Variants in PTPRN2 observed in about 807,000 individuals in gnomAD.
PTPRN2 encodes protein tyrosine phosphatase receptor type N2.
In PTPRN2, 74 loss-of-function variants were observed where a neutral mutation model predicts 118.8. That is an observed-to-expected ratio of 0.62 (90% CI 0.52 to 0.76). The LOEUF (loss-of-function observed/expected upper bound fraction) is 0.76. Ranked by LOEUF, PTPRN2 falls within the 30% of genes least tolerant of loss-of-function variation. PTPRN2 has a pLI of 0.00. For missense variants in PTPRN2, 1,481 were observed against 1,394.4 expected (o/e 1.06, Z -0.99); for synonymous variants, 641 against 608.0 (o/e 1.05, Z -0.80).
intron 2 of PTPRN2, among the ~76,000 whole-genome samples, chr7:158,383,839 T>G (rs1811133196): frequency 6.6e-6 from 1 of 152,220 alleles, no homozygotes; most frequent in Non-Finnish European, 1.5e-5. Context: ...CAGTTTGTGA[T>G]GTTAATGACT....
rs542663460 is a variant in PTPRN2, at chr7:157,645,682, G to A, written c.2196+10675C>T. Reference sequence around the variant, plus strand: ...TCATGCAGGGCCCTCTCCTGAGAGCGGCGTCATGTGAGGAGCTGCTGTTTA... The same window carrying A: ...TCATGCAGGGCCCTCTCCTGAGAGCAGCGTCATGTGAGGAGCTGCTGTTTA... On this transcript the variant is annotated intron_variant, in intron 14 of 22. Coordinates refer to ENST00000389418, the MANE Select transcript of PTPRN2 (RefSeq NM_002847.5). Among the ~76,000 whole-genome samples, 501 of 152,278 alleles carry A rather than the reference G, an allele frequency of 3.3e-3. 1 individual carries two copies. Among genetic ancestry groups the A allele is most frequent in the Non-Finnish European group, 3.2e-3 (215 of 68,022 alleles).
chr7:158,314,943 A>T (rs1397647629), intron 3 of PTPRN2, among the ~76,000 whole-genome samples: 1 of 148,364 alleles, frequency 6.7e-6, no homozygotes, highest in Non-Finnish European at 1.5e-5. Context: ...TGAACCCGGG[A>T]CCCCCTAAAG....
intron 12 of PTPRN2, among the ~76,000 whole-genome samples, chr7:157,852,265 T>C (rs1254327511): frequency 3.3e-5 from 5 of 152,246 alleles, no homozygotes; most frequent in Non-Finnish European, 7.3e-5. Context: ...TTTTTAAAAG[T>C]CAGTTTGTGT....
intron 21 of PTPRN2, among the ~76,000 whole-genome samples, chr7:157,552,157 C>T (rs1201084576): frequency 2.0e-5 from 3 of 152,180 alleles, no homozygotes; most frequent in Non-Finnish European, 4.4e-5. Context: ...CCGTGTACCC[C>T]ACGGCCACCA....
At chr7:158,441,014 A>AGTG (rs1191319025) in intron 2 of PTPRN2, among the ~76,000 whole-genome samples, 1 of 109,742 alleles carries the variant, frequency 9.1e-6, no homozygotes, top group Non-Finnish European at 1.9e-5. Flanking sequence ...GGGTGGTGGT[A>AGTG]GTCGTGGTGG....
chr7:158,310,002 C>A (rs2151070717), intron 3 of PTPRN2, among the ~76,000 whole-genome samples: 1 of 152,260 alleles, frequency 6.6e-6, no homozygotes, highest in South Asian at 2.1e-4. Context: ...GAAGATGCCA[C>A]CCATGAACCA....
intron 12 of PTPRN2, among the ~76,000 whole-genome samples, chr7:157,835,782 T>C (rs1249860352): frequency 1.3e-5 from 2 of 152,152 alleles, no homozygotes; most frequent in Non-Finnish European, 2.9e-5. Flanking sequence ...CCACCAGAAA[T>C]GATCCAGATA....
chr7:157,986,040 G>A lies in PTPRN2; in HGVS notation c.1724-87303C>T, dbSNP rs1803763199. Among the ~76,000 whole-genome samples the A allele has an allele frequency of 6.6e-6, 1 of 152,196 alleles. No homozygotes were observed. ...ATCTCTCACTACTGACAAGAGAAAG[G>A]CCAGAACACAAACACACTTCCTGCT... is the stretch of plus-strand genomic sequence containing the variant. On this transcript the variant is annotated intron_variant, in intron 11 of 22. Coordinates refer to ENST00000389418, the MANE Select transcript of PTPRN2 (RefSeq NM_002847.5). This position sits in a 1 kb window ranked among gnomAD's most constrained non-coding sequence, Gnocchi z 4.5.
chr7:158,055,899 A>G (rs1809747444), intron 11 of PTPRN2, among the ~76,000 whole-genome samples: 2 of 151,810 alleles, frequency 1.3e-5, no homozygotes, highest in African/African-American at 2.4e-5. Flanking sequence ...CTTTATTTCT[A>G]TGATCTCTCG....
At chr7:157,700,995 C>G (rs905834153) in intron 12 of PTPRN2, among the ~76,000 whole-genome samples, 1 of 152,224 alleles carries the variant, frequency 6.6e-6, no homozygotes, top group African/African-American at 2.4e-5. Context: ...CTCTCACACA[C>G]GCACGCTTTC....
intron 20 of PTPRN2, among the ~76,000 whole-genome samples, chr7:157,569,757 T>C (rs1799669112): frequency 6.6e-6 from 1 of 152,264 alleles, no homozygotes; most frequent in South Asian, 2.1e-4. Flanking sequence ...CTGGGTTGCA[T>C]GAGTTTGAGA....
chr7:158,550,087 C>CG (rs1253056371), intron 1 of PTPRN2, among the ~76,000 whole-genome samples: 1 of 152,218 alleles, frequency 6.6e-6, no homozygotes, highest in Non-Finnish European at 1.5e-5. Context: ...TCAGAGCCCC[C>CG]CAGCCTCGTT....
chr7:157,993,607 G>T (rs1327719031), intron 11 of PTPRN2, among the ~76,000 whole-genome samples: 2 of 152,178 alleles, frequency 1.3e-5, no homozygotes, highest in African/African-American at 4.8e-5. Context: ...GGCCAGCCGG[G>T]AGGTGTCCTG....
At chr7:158,205,298 A>G in intron 3 of PTPRN2, 25 bp from the exon 4 acceptor site, 1 of 1,567,174 alleles carries the variant, frequency 6.4e-7, no homozygotes, top group Non-Finnish European at 8.8e-7. Context: ...TGCAAAAATT[A>G]TGTCATCATT....
intron 3 of PTPRN2, among the ~76,000 whole-genome samples, chr7:158,297,716 C>T (rs539631444): frequency 2.1e-3 from 327 of 152,308 alleles, no homozygotes; most frequent in African/African-American, 7.2e-3. Flanking sequence ...GCACACCACA[C>T]GTGCCTATGT....
intron 2 of PTPRN2, among the ~76,000 whole-genome samples, chr7:158,327,254 T>G (rs1332371621): frequency 6.8e-6 from 1 of 146,014 alleles, no homozygotes; most frequent in Non-Finnish European, 1.5e-5. Flanking sequence ...CATGCACACA[T>G]TCTCACATGC....
chr7:158,188,185 G>C (rs187182940), intron 5 of PTPRN2, among the ~76,000 whole-genome samples: 5,619 of 44,048 alleles, frequency 0.13, 711 homozygotes, highest in Non-Finnish European at 0.17. Context: ...CGCTCGCCCC[G>C]CGATGGGGAA....
intron 2 of PTPRN2, among the ~76,000 whole-genome samples, chr7:158,406,772 G>T (rs1031337869): frequency 5.3e-5 from 8 of 152,310 alleles, no homozygotes; most frequent in African/African-American, 1.7e-4. Flanking sequence ...CTTCAAAAAT[G>T]CTCCTGATTT....
In PTPRN2 at chr7:157,590,559, G is replaced by A. The variant is rs1800923570; in HGVS notation, c.2496+4679C>T. On this transcript the variant is annotated intron_variant, in intron 17 of 22. Coordinates refer to ENST00000389418, the MANE Select transcript of PTPRN2 (RefSeq NM_002847.5). The surrounding 1 kb of genome is among the most constrained non-coding windows in gnomAD (Gnocchi z 4.0). ...TTCACTGCAGGAAAGCACCATGTGT[G>A]CAGTGAGTGGTGACCCTCCGTGGAT... is the stretch of plus-strand genomic sequence containing the variant. Among the ~76,000 whole-genome samples the A allele has an allele frequency of 6.6e-6, 1 of 152,252 alleles. No individual in the cohort carries two copies. The highest frequency in any genetic ancestry group is 6.5e-5 in the Admixed American group (1 of 15,290).
Sources: gnomAD v4.1 joint callset for allele counts (sites outside exome capture counted in the v4.1 genomes callset) on GRCh38, gnomAD v4.1.1 for gene constraint, Gnocchi (gnomAD v3.1) non-coding constraint, MANE v1.5 for transcripts, NCBI Gene and HGNC (gene_info 2026-07-23, HGNC 2026-07-21) for gene names.